The following DNAJC16 variants were observed in gnomAD, a reference collection of about 807,000 sequenced individuals.
DNAJC16 encodes the protein DnaJ heat shock protein family (Hsp40) member C16.
Under a neutral mutation model 92.7 loss-of-function variants are expected in DNAJC16, and 76 were observed. The ratio of observed to expected loss-of-function variants is 0.82; its 90% CI spans 0.68 to 0.99. The LOEUF (loss-of-function observed/expected upper bound fraction) is 0.99, where lower values mean the gene tolerates loss of function less well. DNAJC16 is among the 50% of genes least tolerant of loss of function. The pLI is 0.00. For missense variants in DNAJC16, 869 were observed against 942.4 expected (o/e 0.92, Z 1.02); for synonymous variants, 328 against 358.7 (o/e 0.91, Z 0.97).
chr1:15,561,921 G>T (rs1211207559), intron 8 of DNAJC16, among the ~76,000 whole-genome samples: 4 of 151,966 alleles, frequency 2.6e-5, no homozygotes, highest in South Asian at 2.1e-4. Context: ...CGTAAATGTG[G>T]TAAAGAAGTT....
Position 15,566,141 on chromosome 1 carries a change from C to A in DNAJC16, c.1739C>A (p.Thr580Asn). The A allele has an allele frequency of 6.2e-7, 1 of 1,614,014 alleles. No homozygotes were observed. The highest frequency in any genetic ancestry group is 8.5e-7 in the Non-Finnish European group (1 of 1,180,006). The change falls in exon 13 of 15, where the codon ACT becomes AAT. Residue 580 changes from threonine to asparagine, a missense_variant. Transcript: ENST00000375847. Reference sequence around the variant, plus strand: ...GAAAAAGAGGAAGCCCAAGAGAAGACTGGGAAAACTGAGCCAAGCTTCACC... The same window carrying A: ...GAAAAAGAGGAAGCCCAAGAGAAGAATGGGAAAACTGAGCCAAGCTTCACC... ...PPEKEEAQEK[T>N]GKTEPSFTKE...
In DNAJC16 at chr1:15,569,650, T is replaced by C. The variant is rs936700046; in HGVS notation, c.*1473T>C. 6 of 149,930 alleles carry C rather than the reference T, an allele frequency of 4.0e-5. No homozygotes were observed. Among genetic ancestry groups the C allele is most frequent in the Admixed American group, 2.7e-4 (4 of 15,046 alleles). 9.3% of individuals were successfully genotyped at this position (149,930 alleles called of 1,614,324 possible). ...GTATTTCTTTTTTTTTTTTTTTTTT[T>C]AGTTGTTGAGACAGAGTTTCACTCT... On this transcript the variant is annotated 3_prime_UTR_variant, in exon 15 of 15. Transcript: ENST00000375847.
Position 15,548,261 on chromosome 1 carries a change from C to G in DNAJC16, c.865-9C>G. The G allele has an allele frequency of 6.2e-7, 1 of 1,613,050 alleles. No individual in the cohort carries two copies. Among genetic ancestry groups the G allele is most frequent in the Non-Finnish European group, 8.5e-7 (1 of 1,179,492 alleles). On this transcript the variant is annotated splice_polypyrimidine_tract_variant and intron_variant, in intron 6 of 14. Transcript: ENST00000375847. ...TTTTATTTTCTTCCTCTCTATTATGCCCTAACAGTTGACTGCCTTTGCATA... is the reference window on the plus strand; with the variant it reads ...TTTTATTTTCTTCCTCTCTATTATGGCCTAACAGTTGACTGCCTTTGCATA...
chr1:15,532,220 C>G (rs115334861), intron 2 of DNAJC16, among the ~76,000 whole-genome samples: 1 of 152,214 alleles, frequency 6.6e-6, no homozygotes, highest in African/African-American at 2.4e-5. Context: ...GCTGTATTAC[C>G]TTCTCTATCT....
Position 15,570,054 on chromosome 1 carries a change from G to A in DNAJC16, c.*1877G>A, listed in dbSNP as rs1308044618. 1.3e-5 allele frequency: 2 copies of A among 152,560 alleles called. No homozygotes were observed. Among genetic ancestry groups the A allele is most frequent in the Admixed American group, 6.6e-5 (1 of 15,254 alleles). 9.5% of individuals were successfully genotyped at this position (152,560 alleles called of 1,614,324 possible). A position where few individuals can be genotyped will look rare whatever the true frequency, so the allele number is the denominator to read the frequency against. ...TAAGTAATAAATTATTTAAGGCCAG[G>A]AATTCCTGTAGTTTTCATGGAGTCT... On this transcript the variant is annotated 3_prime_UTR_variant, in exon 15 of 15. Coordinates refer to ENST00000375847, the MANE Select transcript of DNAJC16 (RefSeq NM_015291.4).
rs773812466 is a variant in DNAJC16, at chr1:15,544,584, G to A, written c.759+1G>A. 1.2e-6 allele frequency: 2 copies of A among 1,613,940 alleles called. No homozygotes were observed. The highest frequency in any genetic ancestry group is 1.7e-6 in the Non-Finnish European group (2 of 1,179,866). On this transcript the variant is annotated splice_donor_variant, in intron 5 of 14. Transcript: ENST00000375847. LOFTEE classifies it high-confidence loss of function. ...TCTTCCAGGGAACTTGGTGGAGAAA[G>A]TAAGTATCTGTCAAGGAAACTATGG... is the stretch of plus-strand genomic sequence containing the variant.
Position 15,536,461 on chromosome 1 carries a change from T to C in DNAJC16, c.235-14T>C. ...ACCTTTTGTTGTTGTTTAGATTTTT[T>C]TCTTCCTTTATAGATTCTTTCAAAT... is the stretch of plus-strand genomic sequence containing the variant. On this transcript the variant is annotated splice_polypyrimidine_tract_variant and intron_variant, in intron 3 of 14. Coordinates refer to ENST00000375847, the MANE Select transcript of DNAJC16 (RefSeq NM_015291.4). The C allele has an allele frequency of 6.5e-7, 1 of 1,549,528 alleles. No individual in the cohort carries two copies. The highest frequency in any genetic ancestry group is 8.7e-7 in the Non-Finnish European group (1 of 1,151,816).
intron 4 of DNAJC16, among the ~76,000 whole-genome samples, chr1:15,544,031 C>T (rs1405504100): frequency 2.0e-5 from 3 of 152,010 alleles, no homozygotes; most frequent in African/African-American, 7.3e-5. Flanking sequence ...GAATGTGTCT[C>T]CAGTGTTAGC....
chr1:15,554,186 G>C (rs1638515443), intron 7 of DNAJC16, among the ~76,000 whole-genome samples: 1 of 151,346 alleles, frequency 6.6e-6, no homozygotes, highest in South Asian at 2.1e-4. Flanking sequence ...CTGAGCAACA[G>C]AGCAAGACCC....
At chr1:15,557,155 C>T (rs1638587381) in intron 7 of DNAJC16, among the ~76,000 whole-genome samples, 1 of 152,178 alleles carries the variant, frequency 6.6e-6, no homozygotes, top group Non-Finnish European at 1.5e-5. Context: ...TTTTCCTTAT[C>T]GTGATACCCA....
chr1:15,554,023 G>A (rs1468294270), intron 7 of DNAJC16, among the ~76,000 whole-genome samples: 1 of 152,084 alleles, frequency 6.6e-6, no homozygotes. Flanking sequence ...GGGCAACATG[G>A]CAAAACCTTG....
rs184798249 is a variant in DNAJC16 at position 15,557,604 on chromosome 1, A to G, written c.1024-1922A>G. Among the ~76,000 whole-genome samples, 12 of 151,358 alleles carry G rather than the reference A, an allele frequency of 7.9e-5. No individual in the cohort carries two copies. In the East Asian group the frequency reaches 2.1e-3, roughly 27 times the overall value. ...TGTTTATTTCATTAACTTCTTTTCT[A>G]TTATGTTAATTGTAAAATTCCCCTT... On this transcript the variant is annotated intron_variant, in intron 7 of 14. Transcript: ENST00000375847.
chr1:15,562,289 A>G lies in DNAJC16; in HGVS notation c.1302A>G (p.Leu434=). The G allele has an allele frequency of 6.2e-7, 1 of 1,613,894 alleles. No homozygotes were observed. The highest frequency in any genetic ancestry group is 8.5e-7 in the Non-Finnish European group (1 of 1,179,810). ...SNRQQEFADT[L]LPDSEAFQGK... is the part of the protein sequence containing the mutation. ...GGCAGCAGGAGTTTGCCGACACCTT[A>G]CTACCAGACAGTGAGGCGTTTCAAG... is the stretch of plus-strand genomic sequence containing the variant. Residue 434 remains leucine (L), a synonymous_variant, in exon 9 of 15, where the codon TTA becomes TTG. Coordinates refer to ENST00000375847, the MANE Select transcript of DNAJC16 (RefSeq NM_015291.4).
Position 15,571,092 on chromosome 1 carries a change from C to T in DNAJC16, c.*2915C>T, listed in dbSNP as rs759772500. The T allele has an allele frequency of 2.6e-4, 40 of 152,114 alleles. No individual in the cohort carries two copies. Among genetic ancestry groups the T allele is most frequent in the South Asian group, 1.9e-3 (9 of 4,824 alleles). 9.4% of individuals were successfully genotyped at this position (152,114 alleles called of 1,614,324 possible). Reference sequence around the variant, plus strand: ...GAGGCTATCAGCTCCAACTAAACAACATTTCAGTGGGTGAGGCTGCCCTAA... The same window carrying T: ...GAGGCTATCAGCTCCAACTAAACAATATTTCAGTGGGTGAGGCTGCCCTAA... On this transcript the variant is annotated 3_prime_UTR_variant, in exon 15 of 15. Coordinates refer to ENST00000375847, the MANE Select transcript of DNAJC16 (RefSeq NM_015291.4).
chr1:15,549,910 ATAT>A (rs974216801), intron 7 of DNAJC16, among the ~76,000 whole-genome samples: 11 of 152,224 alleles, frequency 7.2e-5, no homozygotes, highest in African/African-American at 2.4e-4. Flanking sequence ...TTCTATTTAA[ATAT>A]TGTTGTTGTT....
chr1:15,541,056 C>T (rs1223004988), intron 4 of DNAJC16, among the ~76,000 whole-genome samples: 1 of 152,152 alleles, frequency 6.6e-6, no homozygotes, highest in African/African-American at 2.4e-5. Context: ...GCTTCAGTTT[C>T]CTTAGCCATA....
At position 15,554,269 on chromosome 1, in the gene DNAJC16, A is replaced by G. The variant is rs748170439; in HGVS notation, c.1024-5257A>G. On this transcript the variant is annotated intron_variant, in intron 7 of 14. Coordinates refer to ENST00000375847, the MANE Select transcript of DNAJC16 (RefSeq NM_015291.4). ...ATGGTGTGTTTGTCCAGTCCATTCT[A>G]TTGTTGACAGAGTTTTTCCAGTTTT... Among the ~76,000 whole-genome samples the G allele has an allele frequency of 4.0e-5, 6 of 151,812 alleles. 1 individual carries two copies. The highest frequency in any genetic ancestry group is 8.8e-5 in the Non-Finnish European group (6 of 67,952).
chr1:15,564,212 T>C (rs1638758552), intron 10 of DNAJC16, 71 bp from the exon 11 acceptor site: 1 of 1,541,164 alleles, frequency 6.5e-7, no homozygotes, highest in African/African-American at 1.4e-5. Context: ...GCAGCAGCAC[T>C]GTGTTGCAGG....
At chr1:15,540,119 A>G (rs1277567008) in intron 4 of DNAJC16, among the ~76,000 whole-genome samples, 2 of 152,158 alleles carry the variant, frequency 1.3e-5, no homozygotes, top group Non-Finnish European at 2.9e-5. Context: ...TGAGGTTAGG[A>G]GTTCGAGACC....
Sources: gnomAD v4.1 joint callset for allele counts (sites outside exome capture counted in the v4.1 genomes callset) on GRCh38, gnomAD v4.1.1 for gene constraint, MANE v1.5 for transcripts, NCBI Gene and HGNC (gene_info 2026-07-23, HGNC 2026-07-21) for gene names.